Variants in AMPH observed in about 807,000 individuals in gnomAD.
The protein encoded by AMPH is amphiphysin, also known as amphiphysin (Stiff-Mann syndrome with breast cancer 128kD autoantigen).
AMPH carries 49 observed loss-of-function variants against 99.1 expected under a neutral mutation model. The ratio of observed to expected loss-of-function variants is 0.49; its 90% CI spans 0.39 to 0.63. AMPH has a LOEUF of 0.63. AMPH is among the 20% of genes least tolerant of loss of function. The pLI is 0.00. For missense variants in AMPH, 759 were observed against 863.4 expected (o/e 0.88, Z 1.52); for synonymous variants, 314 against 317.3 (o/e 0.99, Z 0.11).
At chr7:38,596,684 CTTTA>C (rs777710269) in intron 1 of AMPH, among the ~76,000 whole-genome samples, 2 of 152,148 alleles carry the variant, frequency 1.3e-5, no homozygotes, top group African/African-American at 4.8e-5. Context: ...GCCTCTTCCT[CTTTA>C]TTTATTTTTT....
chr7:38,571,516 T>C (rs1792034572), intron 1 of AMPH, among the ~76,000 whole-genome samples: 1 of 136,948 alleles, frequency 7.3e-6, no homozygotes, highest in African/African-American at 2.7e-5. Context: ...ATAAAATATA[T>C]ATTCTATAAA....
chr7:38,587,101 C>T (rs1294052225), intron 1 of AMPH, among the ~76,000 whole-genome samples: 1 of 152,070 alleles, frequency 6.6e-6, no homozygotes, highest in East Asian at 1.9e-4. Flanking sequence ...AGTACCTGTG[C>T]AATATCTGGT....
chr7:38,401,609 A>G (rs946376385), intron 17 of AMPH, among the ~76,000 whole-genome samples: 1 of 152,210 alleles, frequency 6.6e-6, no homozygotes, highest in Non-Finnish European at 1.5e-5. Context: ...CAAAATTTGT[A>G]TGTTGTTCTA....
At position 38,627,642 on chromosome 7, in the gene AMPH, G is replaced by A. The variant is rs186334285; in HGVS notation, c.69+3641C>T. Among the ~76,000 whole-genome samples the A allele has an allele frequency of 9.2e-3, 1,011 of 109,868 alleles. 15 individuals carry two copies. Among genetic ancestry groups the A allele is most frequent in the African/African-American group, 0.035 (930 of 26,548 alleles). 72.1% of individuals were successfully genotyped at this position (109,868 alleles called of 152,430 possible). A position where few individuals can be genotyped will look rare whatever the true frequency, so the allele number is the denominator to read the frequency against. ...TGCACTCCAGCCTGGGTGACAGAGC[G>A]AGACTCTGTCTCAAAAAAAAAAAAA... On this transcript the variant is annotated intron_variant, in intron 1 of 20. Coordinates refer to ENST00000356264, the MANE Select transcript of AMPH (RefSeq NM_001635.4).
intron 1 of AMPH, among the ~76,000 whole-genome samples, chr7:38,550,654 T>C (rs985775226): frequency 6.6e-6 from 1 of 152,222 alleles, no homozygotes; most frequent in Non-Finnish European, 1.5e-5. Flanking sequence ...GGATAGTGTG[T>C]ATTGTACCCA....
At chr7:38,391,709 G>A (rs777544075) in intron 19 of AMPH, 39 bp downstream of exon 19, 2 of 1,588,628 alleles carry the variant, frequency 1.3e-6, no homozygotes, top group South Asian at 1.2e-5. Context: ...GGGCCTTAAA[G>A]CAAAAAAAGG....
rs1166214914 is a variant in AMPH, at chr7:38,492,300, G to T, written c.301-1155C>A. 3.9e-5 allele frequency among the ~76,000 whole-genome samples: 6 copies of T among 152,280 alleles called. No individual in the cohort carries two copies. In the Middle Eastern group the frequency reaches 0.017, roughly 432 times the overall value. On this transcript the variant is annotated intron_variant, in intron 4 of 20. Transcript: ENST00000356264. Reference sequence around the variant, plus strand: ...CTGTCTTCCAGACTTCATCCTCCTTGCTAACTGGCATGCAGAAATGAGAGC... The same window carrying T: ...CTGTCTTCCAGACTTCATCCTCCTTTCTAACTGGCATGCAGAAATGAGAGC...
chr7:38,402,612 C>T (rs1345425989), intron 17 of AMPH, among the ~76,000 whole-genome samples: 1 of 152,138 alleles, frequency 6.6e-6, no homozygotes, highest in African/African-American at 2.4e-5. Flanking sequence ...ATATATGTGT[C>T]AAAGGATATA....
chr7:38,502,846 T>A (rs907780237), intron 3 of AMPH, among the ~76,000 whole-genome samples: 1 of 152,212 alleles, frequency 6.6e-6, no homozygotes, highest in East Asian at 1.9e-4. Flanking sequence ...CTTTACTATA[T>A]CTGGAATTAG....
In AMPH at chr7:38,476,846, T is replaced by C. The variant is rs76663355; in HGVS notation, c.504+16A>G. The C allele has an allele frequency of 2.4e-3, 3,803 of 1,595,938 alleles. 91 individuals carry two copies. The African/African-American group carries it at 0.044, about 18-fold the overall frequency. On this transcript the variant is annotated intron_variant, in intron 6 of 20. Transcript: ENST00000356264. Reference sequence around the variant, plus strand: ...AAAATACGGAGAGTGGTATTCACCATGGGCTCAATCCCTACCTTAGAGATT... The same window carrying C: ...AAAATACGGAGAGTGGTATTCACCACGGGCTCAATCCCTACCTTAGAGATT...
chr7:38,594,754 C>A (rs749384084), intron 1 of AMPH, among the ~76,000 whole-genome samples: 16 of 152,034 alleles, frequency 1.1e-4, no homozygotes, highest in East Asian at 1.9e-4. Flanking sequence ...ATGGGCCAAA[C>A]AAACAAATCT....
chr7:38,566,838 G>T (rs1403742106), intron 1 of AMPH, among the ~76,000 whole-genome samples: 1 of 152,160 alleles, frequency 6.6e-6, no homozygotes, highest in Non-Finnish European at 1.5e-5. Context: ...ACCACAATGA[G>T]ATATCATCTC....
intron 1 of AMPH, among the ~76,000 whole-genome samples, chr7:38,539,397 A>T (rs1003390244): frequency 1.4e-4 from 20 of 144,078 alleles, no homozygotes; most frequent in Admixed American, 2.9e-4. Context: ...GCAATACTTG[A>T]CCCTGTTTCT....
intron 2 of AMPH, among the ~76,000 whole-genome samples, chr7:38,506,475 C>A (rs953097035): frequency 6.6e-6 from 1 of 152,126 alleles, no homozygotes; most frequent in African/African-American, 2.4e-5. Context: ...GCTCCAGAAT[C>A]ATTTGTCCCA....
chr7:38,567,812 C>A (rs866223266), intron 1 of AMPH, among the ~76,000 whole-genome samples: 20 of 152,120 alleles, frequency 1.3e-4, no homozygotes, highest in Admixed American at 3.9e-4. Flanking sequence ...ATTCCTCTAA[C>A]CTCCATAGTA....
chr7:38,602,861 AG>A (rs1379125145), intron 1 of AMPH, among the ~76,000 whole-genome samples: 1 of 152,146 alleles, frequency 6.6e-6, no homozygotes, highest in East Asian at 1.9e-4. Context: ...TGGTATCCTG[AG>A]GAAACAGACT....
At chr7:38,585,042 A>C (rs1442449620) in intron 1 of AMPH, among the ~76,000 whole-genome samples, 4 of 152,192 alleles carry the variant, frequency 2.6e-5, no homozygotes, top group Non-Finnish European at 5.9e-5. Context: ...GGGAAACAGC[A>C]AGCTACATGT....
intron 1 of AMPH, among the ~76,000 whole-genome samples, chr7:38,609,697 C>T (rs992204949): frequency 6.6e-6 from 1 of 152,008 alleles, no homozygotes; most frequent in African/African-American, 2.4e-5. Flanking sequence ...TGGGGCCATA[C>T]TGTATAAGGT....
chr7:38,427,528 A>G (rs1390276633), intron 14 of AMPH, among the ~76,000 whole-genome samples: 1 of 152,232 alleles, frequency 6.6e-6, no homozygotes, highest in Non-Finnish European at 1.5e-5. Flanking sequence ...AAGTAGGGAG[A>G]ATAAACTCAG....
Sources: allele counts gnomAD v4.1 joint callset (sites outside exome capture counted in the v4.1 genomes callset), GRCh38; gene constraint gnomAD v4.1.1; transcripts MANE v1.5; gene names NCBI Gene and HGNC (gene_info 2026-07-23, HGNC 2026-07-21).